STPG2: variants seen among roughly 807,000 people sequenced by gnomAD.
STPG2 encodes the protein sperm-tail PG-rich repeat-containing protein 2.
A neutral mutation model predicts 54.2 loss-of-function variants in STPG2; 56 were observed. That is an observed-to-expected ratio of 1.03 (90% CI 0.83 to 1.29). The LOEUF (loss-of-function observed/expected upper bound fraction) is 1.29, where lower values mean the gene tolerates loss of function less well. Among genes scored for constraint, STPG2 ranks in the 50% most tolerant of loss-of-function variants. The probability of loss-of-function intolerance (pLI) is 0.00; values close to 1 mark genes in which losing one functional copy is unlikely to be tolerated. For synonymous variants in STPG2, 200 were observed against 181.8 expected (o/e 1.10, Z -0.81); for missense variants, 596 against 544.9 (o/e 1.09, Z -0.93).
At chr4:97,809,747 A>G (rs1302520205) in intron 9 of STPG2, among the ~76,000 whole-genome samples, 1 of 152,186 alleles carries the variant, frequency 6.6e-6, no homozygotes, top group Non-Finnish European at 1.5e-5. Context: ...ACCTACAGAT[A>G]AGAACCCAGT....
At chr4:97,721,799 G>A (rs1724457271) in intron 9 of STPG2, among the ~76,000 whole-genome samples, 1 of 152,010 alleles carries the variant, frequency 6.6e-6, no homozygotes, top group Non-Finnish European at 1.5e-5. Flanking sequence ...GTACACATCA[G>A]AAACTGTAAA....
intron 4 of STPG2, among the ~76,000 whole-genome samples, chr4:97,519,714 G>T (rs1011139742): frequency 6.6e-6 from 1 of 151,658 alleles, no homozygotes; most frequent in African/African-American, 2.4e-5. Context: ...CAAATATCAT[G>T]TTACATCTCT....
chr4:97,597,637 T>A (rs931433165), intron 10 of STPG2, among the ~76,000 whole-genome samples: 1 of 152,052 alleles, frequency 6.6e-6, no homozygotes, highest in Non-Finnish European at 1.5e-5. Context: ...AAAAACCACA[T>A]GATCATCTCA....
chr4:97,559,554 T>C, intron 10 of STPG2, among the ~76,000 whole-genome samples: 1 of 152,338 alleles, frequency 6.6e-6, no homozygotes, highest in East Asian at 1.9e-4. Flanking sequence ...TCTTTATTTT[T>C]CCTCTGAAAT....
At chr4:97,967,554 C>T (rs1037286920) in intron 7 of STPG2, among the ~76,000 whole-genome samples, 2 of 152,134 alleles carry the variant, frequency 1.3e-5, no homozygotes, top group East Asian at 1.9e-4. Context: ...ACAGAATATA[C>T]ATTCTTCTCA....
chr4:98,128,564 C>T lies in STPG2; in HGVS notation c.251G>A (p.Arg84Lys). ...QKISRSPTLT[R>K]SVDVPSIPSC... ...AGGAATTGAAGGAACATCAACACTTCTGGTAAGTGTAGGTGATCTTGAAAT... is the reference window on the plus strand; with the variant it reads ...AGGAATTGAAGGAACATCAACACTTTTGGTAAGTGTAGGTGATCTTGAAAT... The change falls in exon 3 of 11, where the codon AGA becomes AAA. Residue 84 changes from arginine (R) to lysine (K), a missense_variant. By Grantham distance (26) the Arg-to-Lys change is conservative. Transcript: ENST00000295268. 1.2e-6 allele frequency: 2 copies of T among 1,608,834 alleles called. No individual in the cohort carries two copies. Among genetic ancestry groups the T allele is most frequent in the Non-Finnish European group, 1.7e-6 (2 of 1,178,496 alleles).
chr4:98,009,030 C>T (rs944921146), intron 5 of STPG2, among the ~76,000 whole-genome samples: 1 of 149,768 alleles, frequency 6.7e-6, no homozygotes, highest in Non-Finnish European at 1.5e-5. Context: ...CATTCTGTTT[C>T]TCAGTGTAGC....
intron 7 of STPG2, among the ~76,000 whole-genome samples, chr4:97,965,770 G>A (rs541007764): frequency 3.3e-5 from 5 of 152,282 alleles, no homozygotes; most frequent in Middle Eastern, 3.4e-3. Flanking sequence ...CTGCAGCTGA[G>A]GGACCTGATT....
intron 10 of STPG2, among the ~76,000 whole-genome samples, chr4:97,624,696 G>A (rs560653950): frequency 1.3e-4 from 20 of 152,132 alleles, no homozygotes; most frequent in Non-Finnish European, 2.4e-4. Flanking sequence ...ATCTTTGCAC[G>A]TGCCAATGTC....
intron 9 of STPG2, among the ~76,000 whole-genome samples, chr4:97,778,594 C>A (rs919076241): frequency 6.6e-6 from 1 of 152,156 alleles, no homozygotes. Flanking sequence ...GTGGTTCTCC[C>A]AGCATGGAGT....
At chr4:97,487,111 G>C (rs1730386301) in intron 4 of STPG2, among the ~76,000 whole-genome samples, 1 of 151,078 alleles carries the variant, frequency 6.6e-6, no homozygotes, top group African/African-American at 2.4e-5. Flanking sequence ...GTGGGAGTAG[G>C]GGGAGGGACA....
At chr4:97,900,128 TC>T (rs965811762) in intron 8 of STPG2, among the ~76,000 whole-genome samples, 89 of 152,152 alleles carry the variant, frequency 5.8e-4, no homozygotes, top group Admixed American at 7.9e-4. Context: ...CAGATACTTT[TC>T]AAAAGAAGAC....
intron 9 of STPG2, among the ~76,000 whole-genome samples, chr4:97,783,356 A>G (rs1312690807): frequency 6.6e-6 from 1 of 152,264 alleles, no homozygotes; most frequent in Non-Finnish European, 1.5e-5. Flanking sequence ...AGAGAAATGC[A>G]AATCAAAACC....
chr4:98,070,787 C>T (rs1391817128), intron 5 of STPG2, among the ~76,000 whole-genome samples: 2 of 151,818 alleles, frequency 1.3e-5, no homozygotes, highest in Non-Finnish European at 2.9e-5. Flanking sequence ...GAATAAAATA[C>T]CTAGGAATAC....
intron 10 of STPG2, among the ~76,000 whole-genome samples, chr4:97,679,810 G>GT (rs1722972839): frequency 2.0e-5 from 3 of 152,136 alleles, no homozygotes; most frequent in Non-Finnish European, 4.4e-5. Flanking sequence ...TGTATAAGGT[G>GT]TAAGGAAGGG....
intron 6 of STPG2, among the ~76,000 whole-genome samples, chr4:97,980,239 C>T (rs1232223187): frequency 6.6e-6 from 1 of 152,070 alleles, no homozygotes; most frequent in African/African-American, 2.4e-5. Context: ...GACATAATTA[C>T]ATGAAACTTT....
At chr4:97,537,794 T>C (rs765959530) in intron 4 of STPG2, among the ~76,000 whole-genome samples, 2 of 152,054 alleles carry the variant, frequency 1.3e-5, no homozygotes, top group African/African-American at 4.8e-5. Context: ...AGGCACCCCC[T>C]AGTAGGGGCA....
At chr4:98,012,408 G>C (rs1039194076) in intron 5 of STPG2, among the ~76,000 whole-genome samples, 2 of 152,128 alleles carry the variant, frequency 1.3e-5, no homozygotes, top group African/African-American at 4.8e-5. Context: ...TGTTCTTTTT[G>C]CTTAGGATTG....
chr4:97,847,364 T>C (rs1449757396), intron 8 of STPG2, among the ~76,000 whole-genome samples: 1 of 152,142 alleles, frequency 6.6e-6, no homozygotes, highest in East Asian at 1.9e-4. Context: ...GAATGTGTTA[T>C]TTTGATAGGA....
Sources: gnomAD v4.1 joint callset for allele counts (sites outside exome capture counted in the v4.1 genomes callset) on GRCh38, gnomAD v4.1.1 for gene constraint, MANE v1.5 for transcripts, NCBI Gene and HGNC (gene_info 2026-07-23, HGNC 2026-07-21) for gene names.